Variants in TMEM176A observed in about 807,000 individuals in gnomAD.
TMEM176A encodes hepatocellular carcinoma-associated antigen 112.
TMEM176A carries 20 observed loss-of-function variants against 27.9 expected under a neutral mutation model. The ratio of observed to expected loss-of-function variants is 0.72; its 90% CI spans 0.50 to 1.04. The LOEUF (loss-of-function observed/expected upper bound fraction) is 1.04, where lower values mean the gene tolerates loss of function less well. Ranked by LOEUF, TMEM176A falls within the 50% of genes least tolerant of loss-of-function variation. The pLI, the probability that TMEM176A is intolerant of heterozygous loss-of-function variation, is 0.00. For synonymous variants in TMEM176A, 125 were observed against 118.0 expected (o/e 1.06, Z -0.38); for missense variants, 252 against 289.1 (o/e 0.87, Z 0.93).
At position 150,801,222 on chromosome 7, in the gene TMEM176A, G is replaced by A. The variant is rs549741435; in HGVS notation, c.-15-314G>A. On this transcript the variant is annotated intron_variant, in intron 1 of 6. Coordinates refer to ENST00000004103, the MANE Select transcript of TMEM176A (RefSeq NM_018487.3). ...CGCAGGAAGAGCCCGGGAGGAGGGG[G>A]TGAGGGGTCGAGGTGTGGGGCGCTG... The A allele has an allele frequency of 1.2e-3, 266 of 229,564 alleles. 2 individuals are homozygous for A. In the Admixed American group the frequency reaches 0.015, roughly 13 times the overall value. The allele number at this position is 229,564 out of a possible 1,614,324, so 14.2% of individuals were successfully genotyped here.
intron 3 of TMEM176A, chr7:150,802,721 T>C (rs714886): frequency 0.66 from 682,306 of 1,032,784 alleles, 225,790 homozygotes; most frequent in Middle Eastern, 0.77. Flanking sequence ...ACAGGCCCTG[T>C]ACACAATGGA....
Position 150,801,524 on chromosome 7 carries a change from C to G in TMEM176A, c.-15-12C>G, listed in dbSNP as rs199985236. On this transcript the variant is annotated splice_polypyrimidine_tract_variant and intron_variant, in intron 1 of 6. Transcript: ENST00000004103. Reference sequence around the variant, plus strand: ...TGACAGCCGTTCCTCTCTGGTGCTCCCTTCCTCATAGACTGTGTCCCTGAC... The same window carrying G: ...TGACAGCCGTTCCTCTCTGGTGCTCGCTTCCTCATAGACTGTGTCCCTGAC... The G allele has an allele frequency of 2.6e-6, 4 of 1,562,594 alleles. 1 individual carries two copies. Among genetic ancestry groups the G allele is most frequent in the South Asian group, 2.4e-5 (2 of 82,034 alleles).
At chr7:150,801,797 C>G (rs1453803282) in intron 2 of TMEM176A, 73 bp downstream of exon 2, 20 of 1,356,428 alleles carry the variant, frequency 1.5e-5, no homozygotes, top group African/African-American at 4.4e-5. Context: ...CACTCTCTGC[C>G]AGCCTCCCTC....
At chr7:150,803,377 C>A in intron 3 of TMEM176A, 23 bp from the exon 4 acceptor site, 1 of 1,551,894 alleles carries the variant, frequency 6.4e-7, no homozygotes, top group Non-Finnish European at 8.7e-7. Flanking sequence ...ACTAAGCCTG[C>A]TCCTGGCTCA....
Position 150,804,778 on chromosome 7 carries a change from C to T in TMEM176A, c.667-49C>T, listed in dbSNP as rs576184986. On this transcript the variant is annotated intron_variant, in intron 6 of 6. Transcript: ENST00000004103. ...TAAGCTGCCCCTGGAGGAGAGACTCCGCCCTTTCTCTCCCACTCACGATTG... is the reference window on the plus strand; with the variant it reads ...TAAGCTGCCCCTGGAGGAGAGACTCTGCCCTTTCTCTCCCACTCACGATTG... The T allele has an allele frequency of 1.2e-4, 186 of 1,591,508 alleles. 2 individuals are homozygous for T. The South Asian group carries it at 1.3e-3, about 11-fold the overall frequency.
At chr7:150,802,483 G>C in intron 3 of TMEM176A, 158 bp downstream of exon 3, 2 of 734,872 alleles carry the variant, frequency 2.7e-6, no homozygotes, top group Non-Finnish European at 4.5e-6. Context: ...AAACAGCTGA[G>C]GGCGGTGGTG....
chr7:150,803,410 C>A lies in TMEM176A; in HGVS notation c.296C>A (p.Ala99Asp). The A allele has an allele frequency of 6.3e-7, 1 of 1,588,696 alleles. No homozygotes were observed. The highest frequency in any genetic ancestry group is 1.8e-5 in the Admixed American group (1 of 56,204). ...AIWTGAVAVL[A>D]GAAAFIYEKR... is the part of the protein sequence containing the mutation. ...TCAATCTCTCCCCAGGCTGTGCTGG[C>A]TGGAGCTGCTGCCTTCATTTACGAG... The change falls in exon 4 of 7, where the codon GCT (alanine) becomes GAT (aspartate). Residue 99 changes from alanine to aspartate, a missense_variant. Transcript: ENST00000004103.
chr7:150,802,448 C>T (rs921580073), intron 3 of TMEM176A, 123 bp downstream of exon 3: 2 of 878,506 alleles, frequency 2.3e-6, no homozygotes, highest in Admixed American at 4.5e-5. Context: ...TTATCTAGGA[C>T]CATTCCCTGC....
intron 3 of TMEM176A, chr7:150,803,002 C>A: frequency 1.0e-6 from 1 of 993,852 alleles, no homozygotes; most frequent in Non-Finnish European, 1.2e-6. Context: ...ACTGTTAGGA[C>A]AGGCTTCTAG....
At chr7:150,804,268 G>C in intron 5 of TMEM176A, 94 bp from the exon 6 acceptor site, 14 of 987,790 alleles carry the variant, frequency 1.4e-5, no homozygotes, top group Non-Finnish European at 2.1e-5. Context: ...GAGATAAAGG[G>C]GTAGAGATTT....
At chr7:150,803,542 C>A in intron 4 of TMEM176A, 78 bp from the exon 5 acceptor site, 1 of 1,587,444 alleles carries the variant, frequency 6.3e-7, no homozygotes, top group South Asian at 1.2e-5. Flanking sequence ...CTTCTCTGGG[C>A]CTTGCCCTTT....
chr7:150,802,586 T>G, intron 3 of TMEM176A: 1 of 807,746 alleles, frequency 1.2e-6, no homozygotes. Context: ...ACAGTTAATG[T>G]CAACTAAGGA....
At chr7:150,804,270 T>G in intron 5 of TMEM176A, 92 bp from the exon 6 acceptor site, 1 of 1,018,760 alleles carries the variant, frequency 9.8e-7, no homozygotes, top group Non-Finnish European at 1.5e-6. Context: ...GATAAAGGGG[T>G]AGAGATTTTC....
chr7:150,804,272 G>A (rs1798875493), intron 5 of TMEM176A, 90 bp from the exon 6 acceptor site: 8 of 1,058,598 alleles, frequency 7.6e-6, no homozygotes, highest in Middle Eastern at 2.5e-4. Context: ...TAAAGGGGTA[G>A]AGATTTTCCC....
chr7:150,802,802 C>T, intron 3 of TMEM176A: 2 of 992,940 alleles, frequency 2.0e-6, no homozygotes, highest in Non-Finnish European at 2.4e-6. Context: ...GGTCATGGTA[C>T]CTACACTCTC....
At chr7:150,804,659 C>A in intron 6 of TMEM176A, 168 bp from the exon 7 acceptor site, 1 of 885,062 alleles carries the variant, frequency 1.1e-6, no homozygotes, top group Non-Finnish European at 1.8e-6. Flanking sequence ...CCAAGTGGCC[C>A]CCAAGTCAAA....
chr7:150,804,267 G>T, intron 5 of TMEM176A, 95 bp from the exon 6 acceptor site: 1 of 977,352 alleles, frequency 1.0e-6, no homozygotes. Flanking sequence ...GGAGATAAAG[G>T]GGTAGAGATT....
chr7:150,803,978 A>G, intron 5 of TMEM176A, 146 bp downstream of exon 5: 1 of 725,464 alleles, frequency 1.4e-6, no homozygotes. Context: ...AAAGCATCAG[A>G]CAAAATAGAA....
In TMEM176A at chr7:150,801,905, G is replaced by C. The variant is rs948853362; in HGVS notation, c.174+181G>C. On this transcript the variant is annotated intron_variant, in intron 2 of 6. Coordinates refer to ENST00000004103, the MANE Select transcript of TMEM176A (RefSeq NM_018487.3). ...GGGGAGGGGAGGCTCTGGGCTGAAG[G>C]GGTGTGGAGGAGCCACTGACCATGC... 22 of 696,344 alleles carry C rather than the reference G, an allele frequency of 3.2e-5. No individual in the cohort carries two copies. In the Admixed American group the frequency reaches 5.7e-4, roughly 18 times the overall value. The allele number at this position is 696,344 out of a possible 1,614,324, so 43.1% of individuals were successfully genotyped here. A position where few individuals can be genotyped will look rare whatever the true frequency, so the allele number is the denominator to read the frequency against.
Sources: gnomAD v4.1 joint callset for allele counts on GRCh38, gnomAD v4.1.1 for gene constraint, MANE v1.5 for transcripts, NCBI Gene and HGNC (gene_info 2026-07-23, HGNC 2026-07-21) for gene names.